DLC1: variants seen among roughly 807,000 people sequenced by gnomAD.
DLC1 encodes DLC1 Rho GTPase activating protein, also known as rho GTPase-activating protein 7.
In DLC1, 54 loss-of-function variants were observed where a neutral mutation model predicts 140.3. The observed-to-expected ratio is 0.38, with a 90% CI of 0.31 to 0.48. DLC1 has a LOEUF of 0.48. Ranked by LOEUF, DLC1 falls within the 20% of genes least tolerant of loss-of-function variation. The probability of loss-of-function intolerance (pLI) is 0.96; values close to 1 mark genes in which losing one functional copy is unlikely to be tolerated. For missense variants in DLC1, 2,536 were observed against 1,907.0 expected, an observed-to-expected ratio of 1.33 and a Z score of -6.14; for synonymous variants, 986 against 728.1, an observed-to-expected ratio of 1.35 and a Z score of -5.70.
chr8:13,109,283 T>G (rs1819858411), intron 7 of DLC1, among the ~76,000 whole-genome samples: 1 of 151,906 alleles, frequency 6.6e-6, no homozygotes, highest in Non-Finnish European at 1.5e-5. Flanking sequence ...TGAGATGGGG[T>G]GTGGTGGCTC....
intron 2 of DLC1, among the ~76,000 whole-genome samples, chr8:13,414,138 A>G (rs1004607296): frequency 2.0e-5 from 3 of 152,158 alleles, no homozygotes; most frequent in African/African-American, 7.2e-5. Flanking sequence ...ACTTTATAAT[A>G]TATTTTTCAT....
intron 15 of DLC1, among the ~76,000 whole-genome samples, chr8:13,089,309 A>T (rs947932423): frequency 6.7e-6 from 1 of 150,154 alleles, no homozygotes; most frequent in Non-Finnish European, 1.5e-5. Context: ...TCTGGGACCT[A>T]TATCAGAGTG....
At chr8:13,238,443 G>T (rs1442147798) in intron 5 of DLC1, among the ~76,000 whole-genome samples, 2 of 152,106 alleles carry the variant, frequency 1.3e-5, no homozygotes, top group African/African-American at 4.8e-5. Context: ...AGCTCAAGAG[G>T]TGGAGGCTGC....
rs553184108 is a variant in DLC1, at chr8:13,115,471, T to A, written c.1420+115A>T. ...TCTTGCATGCTTACAACATTTTTTT[T>A]AAAAATAAAACATTTAAACGATAAA... On this transcript the variant is annotated intron_variant, in intron 6 of 17. Coordinates refer to ENST00000276297, the MANE Select transcript of DLC1 (RefSeq NM_182643.3). The A allele has an allele frequency of 3.3e-4, 350 of 1,049,950 alleles. 2 individuals carry two copies. Among genetic ancestry groups the A allele is most frequent in the African/African-American group, 2.0e-3 (125 of 61,386 alleles). 65.0% of individuals were successfully genotyped at this position (1,049,950 alleles called of 1,614,324 possible). A position where few individuals can be genotyped will look rare whatever the true frequency, so the allele number is the denominator to read the frequency against.
intron 5 of DLC1, among the ~76,000 whole-genome samples, chr8:13,220,619 G>A (rs1055019040): frequency 6.6e-6 from 1 of 152,080 alleles, no homozygotes; most frequent in African/African-American, 2.4e-5. Context: ...CACTCCTTGG[G>A]ATCACTCACA....
chr8:13,194,663 A>G (rs970980303), intron 5 of DLC1, among the ~76,000 whole-genome samples: 1 of 152,226 alleles, frequency 6.6e-6, no homozygotes, highest in Non-Finnish European at 1.5e-5. Flanking sequence ...TAACCTTTTC[A>G]TAGTCAACTT....
intron 2 of DLC1, among the ~76,000 whole-genome samples, chr8:13,423,001 A>C (rs1313574654): frequency 6.6e-6 from 1 of 152,176 alleles, no homozygotes; most frequent in African/African-American, 2.4e-5. Flanking sequence ...TAGACATATT[A>C]ACAAAATAGG....
At chr8:13,453,436 A>G (rs866108251) in intron 2 of DLC1, among the ~76,000 whole-genome samples, 241 of 23,936 alleles carry the variant, frequency 0.01, 2 homozygotes, top group South Asian at 0.012. Flanking sequence ...GTATATATAT[A>G]TGTATATATA....
chr8:13,575,317 G>T (rs887133518), intron 1 of DLC1, among the ~76,000 whole-genome samples: 1 of 152,058 alleles, frequency 6.6e-6, no homozygotes, highest in African/African-American at 2.4e-5. Context: ...GAGTATGAAG[G>T]TTTATTTACT....
chr8:13,597,880 T>G (rs1805735054), intron 1 of DLC1, among the ~76,000 whole-genome samples: 1 of 152,114 alleles, frequency 6.6e-6, no homozygotes, highest in Non-Finnish European at 1.5e-5. Flanking sequence ...TTTGCAATTG[T>G]ATTATATATA....
intron 1 of DLC1, among the ~76,000 whole-genome samples, chr8:13,522,524 C>T (rs958732949): frequency 6.6e-6 from 1 of 152,072 alleles, no homozygotes; most frequent in Non-Finnish European, 1.5e-5. Flanking sequence ...ACTCGGGTGG[C>T]TGAGGCAGGA....
intron 4 of DLC1, among the ~76,000 whole-genome samples, chr8:13,316,831 C>G (rs901703407): frequency 2.6e-5 from 4 of 152,160 alleles, no homozygotes; most frequent in Non-Finnish European, 5.9e-5. Flanking sequence ...TGTGTTTCTC[C>G]TATCATACAA....
intron 2 of DLC1, among the ~76,000 whole-genome samples, chr8:13,453,006 C>G (rs1026403126): frequency 2.6e-5 from 4 of 151,992 alleles, no homozygotes; most frequent in African/African-American, 9.7e-5. Context: ...AGAATGAGTT[C>G]ATAGTCACAA....
At chr8:13,532,205 G>T (rs1803121839) in intron 1 of DLC1, among the ~76,000 whole-genome samples, 1 of 152,132 alleles carries the variant, frequency 6.6e-6, no homozygotes, top group South Asian at 2.1e-4. Flanking sequence ...AGGACGTTGA[G>T]GTTGCAGTGA....
At chr8:13,446,934 C>T (rs1248520153) in intron 2 of DLC1, among the ~76,000 whole-genome samples, 1 of 146,932 alleles carries the variant, frequency 6.8e-6, no homozygotes, top group Non-Finnish European at 1.5e-5. Context: ...AAAAGTGAAA[C>T]TCCATCTCAA....
At chr8:13,261,951 T>A (rs1382646847) in intron 5 of DLC1, among the ~76,000 whole-genome samples, 1 of 152,194 alleles carries the variant, frequency 6.6e-6, no homozygotes, top group Admixed American at 6.5e-5. Context: ...GCATTGAATG[T>A]GTCTAATAGG....
intron 5 of DLC1, among the ~76,000 whole-genome samples, chr8:13,174,725 T>A (rs1018287301): frequency 1.3e-5 from 2 of 152,186 alleles, no homozygotes; most frequent in Non-Finnish European, 2.9e-5. Flanking sequence ...TGTTTTTTGC[T>A]TGCTGACTTA....
At chr8:13,129,932 C>T (rs928207948) in intron 5 of DLC1, among the ~76,000 whole-genome samples, 1 of 152,072 alleles carries the variant, frequency 6.6e-6, no homozygotes, top group African/African-American at 2.4e-5. Context: ...TTTGCATGGC[C>T]TCATTTCCGT....
At chr8:13,149,483 A>G (rs1234810169) in intron 5 of DLC1, among the ~76,000 whole-genome samples, 4 of 152,116 alleles carry the variant, frequency 2.6e-5, no homozygotes, top group Admixed American at 6.5e-5. Context: ...ATCCCCTGCT[A>G]ATTGTCAGGT....
Sources: gnomAD v4.1 joint callset for allele counts (sites outside exome capture counted in the v4.1 genomes callset) on GRCh38, gnomAD v4.1.1 for gene constraint, MANE v1.5 for transcripts, NCBI Gene and HGNC (gene_info 2026-07-23, HGNC 2026-07-21) for gene names.